Variants in STK33 observed in about 807,000 individuals in gnomAD.
STK33 encodes serine/threonine kinase 33.
A neutral mutation model predicts 58.0 loss-of-function variants in STK33; 52 were observed. The observed-to-expected ratio is 0.90, with a 90% CI of 0.72 to 1.13. STK33 has a LOEUF of 1.13. Ranked by LOEUF, STK33 falls within the 50% of genes most tolerant of loss-of-function variation. The probability of loss-of-function intolerance (pLI) is 0.00; values close to 1 mark genes in which losing one functional copy is unlikely to be tolerated. For missense variants in STK33, 630 were observed against 604.2 expected, an observed-to-expected ratio of 1.04 and a Z score of -0.45; for synonymous variants, 215 against 200.1, an observed-to-expected ratio of 1.07 and a Z score of -0.63.
chr11:8,490,959 GTA>G, intron 1 of STK33, among the ~76,000 whole-genome samples: 1 of 152,136 alleles, frequency 6.6e-6, no homozygotes, highest in African/African-American at 2.4e-5. Flanking sequence ...AAGACCAAAG[GTA>G]GATAAAAACC....
chr11:8,465,968 TAC>T (rs1332744337), intron 6 of STK33: 2 of 152,406 alleles, frequency 1.3e-5, no homozygotes, highest in Non-Finnish European at 2.9e-5. Flanking sequence ...AGAGGGCTTG[TAC>T]ACAGAAACTC....
Position 8,555,677 on chromosome 11 carries a change from AAATAAAAATAAC to A in STK33, c.-466+38394_-466+38405del, listed in dbSNP as rs753107650. ...GAGACTCCATCTTAAAATAAAATAAAAATAAAAATAACAATAATAAAGAAAGTAAATTTTAAT... is the reference window on the plus strand; with the variant it reads ...GAGACTCCATCTTAAAATAAAATAAAAATAATAAAGAAAGTAAATTTTAAT... On this transcript the variant is annotated intron_variant, in intron 1 of 15. Coordinates refer to ENST00000687296, the MANE Select transcript of STK33 (RefSeq NM_001352389.2). Among the ~76,000 whole-genome samples, 8 of 152,040 alleles carry A rather than the reference AAATAAAAATAAC, an allele frequency of 5.3e-5. No individual in the cohort carries two copies. In the South Asian group the frequency reaches 1.2e-3, roughly 24 times the overall value.
At chr11:8,450,325 A>G (rs1946119300) in intron 11 of STK33, among the ~76,000 whole-genome samples, 1 of 152,086 alleles carries the variant, frequency 6.6e-6, no homozygotes, top group Non-Finnish European at 1.5e-5. Flanking sequence ...CAAACACTCC[A>G]TGTTCTCACT....
intron 14 of STK33, among the ~76,000 whole-genome samples, chr11:8,424,245 T>C (rs1400819126): frequency 6.6e-6 from 1 of 151,094 alleles, no homozygotes; most frequent in African/African-American, 2.4e-5. Flanking sequence ...GGTGTTTGGC[T>C]TTTTGTCCTT....
intron 15 of STK33, among the ~76,000 whole-genome samples, chr11:8,406,490 T>C (rs1939232418): frequency 1.3e-5 from 2 of 152,230 alleles, no homozygotes; most frequent in Non-Finnish European, 1.5e-5. Flanking sequence ...GTACCAAATA[T>C]TCTAAACCAT....
chr11:8,553,178 A>G (rs1433851276), intron 1 of STK33, among the ~76,000 whole-genome samples: 4 of 75,614 alleles, frequency 5.3e-5, no homozygotes, highest in Non-Finnish European at 9.3e-5. Flanking sequence ...ATATATATAT[A>G]TATATATATA....
chr11:8,363,114 C>T, the STK33 span, among the ~76,000 whole-genome samples: 1 of 151,896 alleles, frequency 6.6e-6, no homozygotes, highest in South Asian at 2.1e-4. Context: ...TGAAGATTAG[C>T]GCTGAGAAGT....
At chr11:8,594,046 G>C (rs2033046126) in intron 1 of STK33, 37 bp downstream of exon 1, 1 of 152,334 alleles carries the variant, frequency 6.6e-6, no homozygotes, top group African/African-American at 2.4e-5. Flanking sequence ...CCATCCCGCG[G>C]GCCCGCCCTG....
chr11:8,571,702 G>A (rs910343987), intron 1 of STK33, among the ~76,000 whole-genome samples: 45 of 151,524 alleles, frequency 3.0e-4, no homozygotes, highest in Non-Finnish European at 1.0e-4. Context: ...GCGTGGTGGC[G>A]GGTGCCTGTA....
intron 1 of STK33, among the ~76,000 whole-genome samples, chr11:8,484,804 C>A (rs1330141181): frequency 1.3e-5 from 2 of 152,124 alleles, no homozygotes; most frequent in African/African-American, 4.8e-5. Context: ...TGCAATGGAA[C>A]TATAAAAACA....
intron 1 of STK33, among the ~76,000 whole-genome samples, chr11:8,543,926 T>C (rs1955711505): frequency 6.6e-6 from 1 of 152,170 alleles, no homozygotes; most frequent in Admixed American, 6.5e-5. Flanking sequence ...GTGTGAGAAA[T>C]GCAACTAGAA....
the STK33 span, among the ~76,000 whole-genome samples, chr11:8,349,704 G>A: frequency 3.3e-5 from 5 of 152,176 alleles, no homozygotes; most frequent in East Asian, 3.9e-4. Context: ...GCCCCCAGTC[G>A]GGACAATTAG....
chr11:8,457,367 G>A lies in STK33; in HGVS notation c.671C>T (p.Ser224Leu), dbSNP rs1280534880. The A allele has an allele frequency of 1.2e-6, 2 of 1,604,096 alleles. No homozygotes were observed. The highest frequency in any genetic ancestry group is 3.3e-5 in the Admixed American group (2 of 59,908). The change falls in exon 9 of 16, where the codon TCA (serine) becomes TTA (leucine). Residue 224 changes from serine to leucine, a missense_variant. Coordinates refer to ENST00000687296, the MANE Select transcript of STK33 (RefSeq NM_001352389.2). ...ETRWIIQSLA[S>L]AIAYLHNNDI... ...ATTATTGTGAAGATATGCTATAGCTGATGCGAGACTTTGAATGATCCACCT... is the reference window on the plus strand; with the variant it reads ...ATTATTGTGAAGATATGCTATAGCTAATGCGAGACTTTGAATGATCCACCT...
intron 1 of STK33, among the ~76,000 whole-genome samples, chr11:8,526,090 T>A (rs1328589177): frequency 6.6e-6 from 1 of 152,150 alleles, no homozygotes; most frequent in Non-Finnish European, 1.5e-5. Flanking sequence ...AGAACTCGCA[T>A]ACACTACTAC....
At chr11:8,432,397 C>T (rs1266815193) in intron 14 of STK33, among the ~76,000 whole-genome samples, 1 of 152,126 alleles carries the variant, frequency 6.6e-6, no homozygotes, top group Non-Finnish European at 1.5e-5. Flanking sequence ...AAGAAAAGAA[C>T]CGGCATACTC....
At chr11:8,549,405 T>G (rs1386453866) in intron 1 of STK33, among the ~76,000 whole-genome samples, 1 of 152,176 alleles carries the variant, frequency 6.6e-6, no homozygotes, top group African/African-American at 2.4e-5. Flanking sequence ...TGCATCTATG[T>G]TCATTGGGGA....
Position 8,392,378 on chromosome 11 carries a change from C to T in STK33, c.*132G>A, listed in dbSNP as rs1848687323. 5 of 1,049,364 alleles carry T rather than the reference C, an allele frequency of 4.8e-6. No individual in the cohort carries two copies. In the Admixed American group the frequency reaches 6.8e-5, roughly 14 times the overall value. The allele number at this position is 1,049,364 out of a possible 1,614,324, so 65.0% of individuals were successfully genotyped here. A position where few individuals can be genotyped will look rare whatever the true frequency, so the allele number is the denominator to read the frequency against. On this transcript the variant is annotated 3_prime_UTR_variant, in exon 16 of 16. Transcript: ENST00000687296. ...AGCTTCAATTTTAAGCTGGTGCAAA[C>T]ACATGGCGGGGCTCTGTGGAGCTAA...
At chr11:8,398,733 C>G (rs1309283621) in intron 15 of STK33, among the ~76,000 whole-genome samples, 11 of 151,410 alleles carry the variant, frequency 7.3e-5, no homozygotes, top group Non-Finnish European at 1.0e-4. Context: ...CGTGCAGAGA[C>G]ACACATAGGC....
intron 1 of STK33, among the ~76,000 whole-genome samples, chr11:8,528,617 A>C (rs1219304878): frequency 6.6e-6 from 1 of 152,252 alleles, no homozygotes; most frequent in Non-Finnish European, 1.5e-5. Flanking sequence ...TAAAGACAAG[A>C]TAATATTTAT....
Sources: allele counts gnomAD v4.1 joint callset (sites outside exome capture counted in the v4.1 genomes callset), GRCh38; gene constraint gnomAD v4.1.1; transcripts MANE v1.5; gene names NCBI Gene and HGNC (gene_info 2026-07-23, HGNC 2026-07-21).